The following RELN variants were observed in gnomAD, a reference collection of about 807,000 sequenced individuals.
The protein encoded by RELN is reelin.
Under a neutral mutation model 427.6 loss-of-function variants are expected in RELN, and 108 were observed. The ratio of observed to expected loss-of-function variants is 0.25; its 90% CI spans 0.22 to 0.30. RELN has a LOEUF of 0.30. Ranked by LOEUF, RELN falls within the 10% of genes least tolerant of loss-of-function variation. The pLI is 1.00. For missense variants in RELN, 3,715 were observed against 4,302.8 expected (o/e 0.86, Z 3.82); for synonymous variants, 1,524 against 1,513.4 (o/e 1.01, Z -0.16).
chr7:103,940,779 A>G (rs994324662), intron 1 of RELN, among the ~76,000 whole-genome samples: 2 of 152,222 alleles, frequency 1.3e-5, no homozygotes, highest in African/African-American at 2.4e-5. Context: ...GATTGATTGG[A>G]TAATGGATTC....
At chr7:103,622,446 T>C (rs1832242288) in intron 20 of RELN, among the ~76,000 whole-genome samples, 2 of 152,186 alleles carry the variant, frequency 1.3e-5, no homozygotes, top group South Asian at 2.1e-4. Flanking sequence ...TCTACTCCTA[T>C]TCTCCACAAG....
intron 10 of RELN, among the ~76,000 whole-genome samples, chr7:103,694,032 C>A (rs1833926493): frequency 6.6e-6 from 1 of 152,232 alleles, no homozygotes; most frequent in Non-Finnish European, 1.5e-5. Context: ...GAAAGGGAAG[C>A]AAACAGTGTT....
intron 2 of RELN, among the ~76,000 whole-genome samples, chr7:103,852,629 TC>T (rs1344091082): frequency 1.3e-5 from 2 of 152,140 alleles, no homozygotes. Flanking sequence ...CAATGACCTT[TC>T]TTTTCTGGCA....
At chr7:103,854,111 C>T (rs1294315439) in intron 2 of RELN, among the ~76,000 whole-genome samples, 2 of 152,028 alleles carry the variant, frequency 1.3e-5, no homozygotes, top group Non-Finnish European at 2.9e-5. Context: ...TATTATGTGT[C>T]AACTAAAAAT....
At chr7:103,844,757 T>C (rs1164147820) in intron 2 of RELN, among the ~76,000 whole-genome samples, 1 of 152,244 alleles carries the variant, frequency 6.6e-6, no homozygotes, top group East Asian at 1.9e-4. Context: ...AAACAATTCA[T>C]ATTGTGAGGA....
intron 1 of RELN, among the ~76,000 whole-genome samples, chr7:103,957,179 AG>A (rs1796450313): frequency 7.1e-6 from 1 of 140,426 alleles, no homozygotes; most frequent in African/African-American, 2.8e-5. Context: ...TGAAAAAAGC[AG>A]AGAGTGCTAC....
intron 3 of RELN, among the ~76,000 whole-genome samples, chr7:103,796,596 T>C (rs1055659386): frequency 1.5e-4 from 23 of 151,912 alleles, no homozygotes; most frequent in South Asian, 2.1e-4. Context: ...AGTCTGGGTG[T>C]GGTGACGAAC....
At chr7:103,541,238 A>G (rs1830172152) in intron 43 of RELN, among the ~76,000 whole-genome samples, 1 of 152,168 alleles carries the variant, frequency 6.6e-6, no homozygotes, top group Non-Finnish European at 1.5e-5. Flanking sequence ...GTGCCAATGA[A>G]AACTAGCTCA....
At chr7:103,874,681 CA>C (rs1292024614) in intron 2 of RELN, among the ~76,000 whole-genome samples, 3 of 148,688 alleles carry the variant, frequency 2.0e-5, no homozygotes, top group Admixed American at 1.3e-4. Context: ...AGGAGAACTA[CA>C]AATCACTGCT....
intron 28 of RELN, among the ~76,000 whole-genome samples, chr7:103,588,164 T>C (rs1384724228): frequency 6.6e-6 from 1 of 152,032 alleles, no homozygotes; most frequent in Non-Finnish European, 1.5e-5. Context: ...TACATGGATA[T>C]ACACAATGAA....
chr7:103,488,315 T>A (rs1261575046), intron 60 of RELN, among the ~76,000 whole-genome samples: 1 of 152,204 alleles, frequency 6.6e-6, no homozygotes, highest in Admixed American at 6.5e-5. Context: ...CAGTACATTT[T>A]TTCTACATGT....
intron 16 of RELN, among the ~76,000 whole-genome samples, chr7:103,644,703 T>C (rs2117372606): frequency 6.6e-6 from 1 of 151,868 alleles, no homozygotes; most frequent in African/African-American, 2.4e-5. Context: ...CTGGAAAGTC[T>C]ATTTGAGGAA....
In RELN at chr7:103,539,034, C is replaced by T; in HGVS notation, c.7180+44G>A. 1.9e-6 allele frequency: 3 copies of T among 1,611,064 alleles called. 1 individual carries two copies. In the East Asian group the frequency reaches 6.7e-5, roughly 36 times the overall value. Reference sequence around the variant, plus strand: ...TATGACAGAGGCAGCCACAGAAGCTCATGCCCACATGCCTGTCCCTCTATC... The same window carrying T: ...TATGACAGAGGCAGCCACAGAAGCTTATGCCCACATGCCTGTCCCTCTATC... On this transcript the variant is annotated intron_variant, in intron 45 of 64. Transcript: ENST00000428762.
At chr7:103,979,931 G>A (rs1446949437) in intron 1 of RELN, among the ~76,000 whole-genome samples, 1 of 152,280 alleles carries the variant, frequency 6.6e-6, no homozygotes, top group African/African-American at 2.4e-5. Context: ...GGAGGCCGAG[G>A]TGGGCTGATC....
intron 28 of RELN, among the ~76,000 whole-genome samples, chr7:103,578,164 T>G (rs1236035601): frequency 6.6e-6 from 1 of 152,166 alleles, no homozygotes; most frequent in Admixed American, 6.5e-5. Context: ...ATAGTTTTTA[T>G]TATTATAAGA....
chr7:103,559,974 A>G (rs145513280), intron 36 of RELN, among the ~76,000 whole-genome samples: 438 of 152,306 alleles, frequency 2.9e-3, no homozygotes, highest in African/African-American at 0.01. Flanking sequence ...AAAGGGACCT[A>G]TTTTACACTG....
At chr7:103,937,089 T>C (rs759332193) in intron 1 of RELN, among the ~76,000 whole-genome samples, 12 of 152,224 alleles carry the variant, frequency 7.9e-5, no homozygotes, top group Non-Finnish European at 1.8e-4. Context: ...TGTGTATTTA[T>C]TGTCCTTAGC....
intron 50 of RELN, 135 bp downstream of exon 50, chr7:103,515,050 G>T: frequency 9.1e-7 from 1 of 1,104,766 alleles, no homozygotes; most frequent in Non-Finnish European, 1.3e-6. Context: ...AGGAACAAAA[G>T]GATGACACCC....
At chr7:103,701,428 T>C (rs1367314209) in intron 8 of RELN, among the ~76,000 whole-genome samples, 2 of 152,108 alleles carry the variant, frequency 1.3e-5, no homozygotes, top group African/African-American at 4.8e-5. Context: ...TATTTTTCTG[T>C]GTGTGTATTA....
Sources: allele counts gnomAD v4.1 joint callset (sites outside exome capture counted in the v4.1 genomes callset), GRCh38; gene constraint gnomAD v4.1.1; transcripts MANE v1.5; gene names NCBI Gene and HGNC (gene_info 2026-07-23, HGNC 2026-07-21).